The following WWOX variants were observed in gnomAD, a reference collection of about 807,000 sequenced individuals.
The protein encoded by WWOX is WW domain containing oxidoreductase.
In WWOX, 69 loss-of-function variants were observed where a neutral mutation model predicts 46.2. That is an observed-to-expected ratio of 1.49 (90% CI 1.23 to 1.82). The LOEUF is 1.82. WWOX is among the 40% of genes most tolerant of loss of function. The pLI, the probability that WWOX is intolerant of heterozygous loss-of-function variation, is 0.00. For missense variants in WWOX, 919 were observed against 542.6 expected (o/e 1.69, Z -6.89); for synonymous variants, 359 against 202.6 (o/e 1.77, Z -6.56).
At chr16:78,264,104 C>T (rs866954721) in intron 5 of WWOX, among the ~76,000 whole-genome samples, 1 of 141,928 alleles carries the variant, frequency 7.0e-6, no homozygotes, top group East Asian at 2.3e-4. Flanking sequence ...AATATTGTAA[C>T]GGTGATCACT....
intron 8 of WWOX, among the ~76,000 whole-genome samples, chr16:78,719,189 C>T (rs1034534314): frequency 1.3e-5 from 2 of 152,166 alleles, no homozygotes; most frequent in Admixed American, 6.6e-5. Context: ...CTTGCCTGAA[C>T]CTGATCAACA....
intron 4 of WWOX, among the ~76,000 whole-genome samples, chr16:78,133,749 A>T (rs369705631): frequency 6.6e-6 from 1 of 152,226 alleles, no homozygotes; most frequent in Non-Finnish European, 1.5e-5. Context: ...CTTTCAATGA[A>T]TAGAAAAATC....
At chr16:78,692,781 G>T (rs1364285862) in intron 8 of WWOX, among the ~76,000 whole-genome samples, 1 of 152,192 alleles carries the variant, frequency 6.6e-6, no homozygotes, top group African/African-American at 2.4e-5. Flanking sequence ...CCTGTTGGGG[G>T]TACTGATACC....
chr16:78,419,461 G>T (rs868227690), intron 6 of WWOX, among the ~76,000 whole-genome samples: 9 of 152,042 alleles, frequency 5.9e-5, no homozygotes, highest in African/African-American at 2.2e-4. Context: ...AAATAGACTT[G>T]AGAGTCCAGA....
intron 8 of WWOX, among the ~76,000 whole-genome samples, chr16:78,597,932 G>A (rs2045529740): frequency 6.6e-6 from 1 of 151,866 alleles, no homozygotes; most frequent in South Asian, 2.1e-4. Flanking sequence ...ACTGAGTTAT[G>A]TTTGGGTCAT....
intron 8 of WWOX, among the ~76,000 whole-genome samples, chr16:78,613,251 C>A (rs1231289590): frequency 6.6e-6 from 1 of 152,134 alleles, no homozygotes; most frequent in Non-Finnish European, 1.5e-5. Context: ...ACATCTCTAC[C>A]TTCTCCGGGC....
intron 5 of WWOX, among the ~76,000 whole-genome samples, chr16:78,331,855 C>G (rs1199006597): frequency 1.3e-5 from 2 of 152,210 alleles, no homozygotes; most frequent in African/African-American, 4.8e-5. Context: ...TGTCAGATGT[C>G]TGTTCAAATT....
intron 8 of WWOX, among the ~76,000 whole-genome samples, chr16:79,041,658 C>T (rs1465833143): frequency 1.3e-5 from 2 of 152,114 alleles, no homozygotes. Context: ...GCCATCCCAC[C>T]TCAGAAAGAC....
chr16:78,361,505 C>T (rs1013177801), intron 5 of WWOX, among the ~76,000 whole-genome samples: 1 of 152,168 alleles, frequency 6.6e-6, no homozygotes, highest in Non-Finnish European at 1.5e-5. Context: ...GCAGTGTTTA[C>T]CATGATGCTT....
rs1491269477 is a variant in WWOX at position 79,096,017 on chromosome 16, T to TTTTTTG, written c.1057-115586_1057-115585insGTTTTT. Among the ~76,000 whole-genome samples, 140 of 40,206 alleles carry TTTTTTG rather than the reference T, an allele frequency of 3.5e-3. 3 individuals carry two copies. The highest frequency in any genetic ancestry group is 0.016 in the African/African-American group (49 of 3,124). The allele number at this position is 40,206 out of a possible 152,430, so 26.4% of individuals were successfully genotyped here. On this transcript the variant is annotated intron_variant, in intron 8 of 8. Coordinates refer to ENST00000566780, the MANE Select transcript of WWOX (RefSeq NM_016373.4). Reference sequence around the variant, plus strand: ...GGCATGCGCTGCCACACCCGGATAATTTTTTTTTTTTTTTTTTTTTTGGTA... The same window carrying TTTTTTG: ...GGCATGCGCTGCCACACCCGGATAATTTTTTGTTTTTTTTTTTTTTTTTTTTTGGTA...
intron 8 of WWOX, among the ~76,000 whole-genome samples, chr16:78,858,080 T>C (rs1341733391): frequency 6.6e-6 from 1 of 151,948 alleles, no homozygotes; most frequent in African/African-American, 2.4e-5. Flanking sequence ...TTAAATACTC[T>C]ATAGCAAAAA....
At chr16:78,634,835 AGAGTGT>A (rs1199757048) in intron 8 of WWOX, among the ~76,000 whole-genome samples, 215 of 127,552 alleles carry the variant, frequency 1.7e-3, no homozygotes, top group African/African-American at 5.7e-3. Flanking sequence ...AGAGAGAGAG[AGAGTGT>A]GTGTGTGTGT....
At chr16:78,973,246 C>G (rs1411613748) in intron 8 of WWOX, among the ~76,000 whole-genome samples, 23 of 152,102 alleles carry the variant, frequency 1.5e-4, no homozygotes. Flanking sequence ...GATGGAATCT[C>G]GTAATGAGTA....
At chr16:78,743,008 C>A (rs921408345) in intron 8 of WWOX, among the ~76,000 whole-genome samples, 4 of 149,102 alleles carry the variant, frequency 2.7e-5, no homozygotes, top group African/African-American at 1.0e-4. Context: ...TCCCCACATA[C>A]AGTCCCAACC....
intron 5 of WWOX, among the ~76,000 whole-genome samples, chr16:78,224,606 A>T (rs62034014): frequency 1.3e-5 from 2 of 152,172 alleles, no homozygotes; most frequent in Non-Finnish European, 2.9e-5. Flanking sequence ...GCTTTTCTCT[A>T]TTGTAAGTGG....
intron 8 of WWOX, among the ~76,000 whole-genome samples, chr16:78,885,989 A>T (rs2151220772): frequency 6.7e-6 from 1 of 148,744 alleles, no homozygotes; most frequent in East Asian, 2.0e-4. Context: ...CAGTAGCACC[A>T]TCTTGGCTTG....
chr16:78,682,587 G>C (rs1434249900), intron 8 of WWOX, among the ~76,000 whole-genome samples: 1 of 152,056 alleles, frequency 6.6e-6, no homozygotes, highest in Non-Finnish European at 1.5e-5. Context: ...TGTCTCTGAA[G>C]ATACAAGAAG....
chr16:78,663,281 G>A (rs2047258774), intron 8 of WWOX, among the ~76,000 whole-genome samples: 1 of 152,102 alleles, frequency 6.6e-6, no homozygotes, highest in South Asian at 2.1e-4. Context: ...TTCATTTAAT[G>A]TTTTCAAGGT....
At chr16:78,269,684 A>AAACAGCAT (rs1256187253) in intron 5 of WWOX, among the ~76,000 whole-genome samples, 1 of 152,226 alleles carries the variant, frequency 6.6e-6, no homozygotes, top group Non-Finnish European at 1.5e-5. Context: ...CCTCTAATTT[A>AAACAGCAT]AACAGCATTT....
Sources: allele counts gnomAD v4.1 joint callset (sites outside exome capture counted in the v4.1 genomes callset), GRCh38; gene constraint gnomAD v4.1.1; transcripts MANE v1.5; gene names NCBI Gene and HGNC (gene_info 2026-07-23, HGNC 2026-07-21).